ATOH8: variants seen among roughly 807,000 people sequenced by gnomAD.
ATOH8 encodes the protein atonal bHLH transcription factor 8, also known as transcription factor ATOH8.
A neutral mutation model predicts 21.2 loss-of-function variants in ATOH8; 9 were observed. The observed-to-expected ratio is 0.42, with a 90% CI of 0.26 to 0.74. ATOH8 has a LOEUF of 0.74. Ranked by LOEUF, ATOH8 falls within the 30% of genes least tolerant of loss-of-function variation. The pLI, the probability that ATOH8 is intolerant of heterozygous loss-of-function variation, is 0.24. For missense variants in ATOH8, 524 were observed against 470.9 expected, an observed-to-expected ratio of 1.11 and a Z score of -1.04; for synonymous variants, 253 against 224.0, an observed-to-expected ratio of 1.13 and a Z score of -1.16.
intron 2 of ATOH8, among the ~76,000 whole-genome samples, chr2:85,769,107 G>A (rs1430106624): frequency 6.6e-6 from 1 of 152,228 alleles, no homozygotes; most frequent in East Asian, 1.9e-4. Context: ...CCACACCTGG[G>A]CTGGGTGGGC....
intron 1 of ATOH8, among the ~76,000 whole-genome samples, chr2:85,755,325 A>AG (rs1679656352): frequency 6.6e-6 from 1 of 152,056 alleles, no homozygotes; most frequent in African/African-American, 2.4e-5. Flanking sequence ...CAGCGGAGGA[A>AG]GGGGGGAGCC....
In ATOH8 at chr2:85,766,173, G is replaced by A. The variant is rs757645067; in HGVS notation, c.960+1991G>A. Reference sequence around the variant, plus strand: ...AGCGTGTGGTGTCTGCATGGTCACCGTCCTCAGGGTAATGATAATGAGCCC... The same window carrying A: ...AGCGTGTGGTGTCTGCATGGTCACCATCCTCAGGGTAATGATAATGAGCCC... On this transcript the variant is annotated intron_variant, in intron 2 of 2. Coordinates refer to ENST00000306279, the MANE Select transcript of ATOH8 (RefSeq NM_032827.7). The surrounding 1 kb of genome is among the most constrained non-coding windows in gnomAD (Gnocchi z 4.0). 2.2e-4 allele frequency among the ~76,000 whole-genome samples: 33 copies of A among 152,180 alleles called. No homozygotes were observed. Among genetic ancestry groups the A allele is most frequent in the African/African-American group, 7.7e-4 (32 of 41,548 alleles).
At chr2:85,777,727 T>C (rs527650621) in intron 2 of ATOH8, among the ~76,000 whole-genome samples, 1 of 152,216 alleles carries the variant, frequency 6.6e-6, no homozygotes, top group Non-Finnish European at 1.5e-5. Flanking sequence ...TCTCCTAGGA[T>C]GGCGGAGCTG....
At chr2:85,758,117 A>G (rs148241751) in intron 1 of ATOH8, among the ~76,000 whole-genome samples, 15 of 152,278 alleles carry the variant, frequency 9.9e-5, no homozygotes, top group East Asian at 9.6e-4. Flanking sequence ...AGCATCTCCA[A>G]GGTCCTCAGG....
chr2:85,763,122 G>T (rs1313391995), intron 1 of ATOH8, among the ~76,000 whole-genome samples: 1 of 152,150 alleles, frequency 6.6e-6, no homozygotes, highest in Non-Finnish European at 1.5e-5. Flanking sequence ...GAACAGTGGG[G>T]TCTATTAGCA....
At position 85,790,266 on chromosome 2, in the gene ATOH8, C is replaced by T. The variant is rs1023519772; in HGVS notation, c.*3376C>T. 5.9e-5 allele frequency among the ~76,000 whole-genome samples: 9 copies of T among 152,300 alleles called. No homozygotes were observed. Among genetic ancestry groups the T allele is most frequent in the South Asian group, 2.1e-4 (1 of 4,822 alleles). Reference sequence around the variant, plus strand: ...GATGAGGGGGCCCTCTCCAGGGACCCGCAAGATCTTCCTGGGTATGTCTGC... The same window carrying T: ...GATGAGGGGGCCCTCTCCAGGGACCTGCAAGATCTTCCTGGGTATGTCTGC... On this transcript the variant is annotated 3_prime_UTR_variant, in exon 3 of 3. Transcript: ENST00000306279.
At chr2:85,758,863 A>G (rs114853444) in intron 1 of ATOH8, among the ~76,000 whole-genome samples, 3,125 of 151,768 alleles carry the variant, frequency 0.021, 113 homozygotes, top group African/African-American at 0.072. Flanking sequence ...GGAGGGGTCA[A>G]AGGGAAAGGC....
At position 85,787,126 on chromosome 2, in the gene ATOH8, G is replaced by A. The variant is rs1208480302; in HGVS notation, c.*236G>A. On this transcript the variant is annotated 3_prime_UTR_variant, in exon 3 of 3. Transcript: ENST00000306279. Reference sequence around the variant, plus strand: ...CCCTCTGCCTGGTGGGGAGGGGAGAGCTCAGCCCCCGACTCACTCAGACCC... The same window carrying A: ...CCCTCTGCCTGGTGGGGAGGGGAGAACTCAGCCCCCGACTCACTCAGACCC... The A allele has an allele frequency of 1.8e-6, 1 of 567,008 alleles. No individual in the cohort carries two copies. Among genetic ancestry groups the A allele is most frequent in the African/African-American group, 1.9e-5 (1 of 53,142 alleles). The allele number at this position is 567,008 out of a possible 1,614,324, so 35.1% of individuals were successfully genotyped here. A position where few individuals can be genotyped will look rare whatever the true frequency, so the allele number is the denominator to read the frequency against.
intron 2 of ATOH8, among the ~76,000 whole-genome samples, chr2:85,767,222 T>C (rs376341365): frequency 8.5e-5 from 13 of 152,154 alleles, no homozygotes; most frequent in African/African-American, 2.9e-4. Flanking sequence ...CCCAGGACAA[T>C]TGAACCAACA....
In ATOH8 at chr2:85,754,068, GGGGAGAAA is replaced by G. The variant is rs1254311712; in HGVS notation, c.-115_-108del. ...CGGCGGCGCAGCTGCCCGGGGCGAGGGGGAGAAAGGGAGAGAGGGAGGGGGAGGGCGGG... is the reference window on the plus strand; with the variant it reads ...CGGCGGCGCAGCTGCCCGGGGCGAGGGGGAGAGAGGGAGGGGGAGGGCGGG... On this transcript the variant is annotated 5_prime_UTR_variant, in exon 1 of 3. Transcript: ENST00000306279. 8.2e-7 allele frequency: 1 copy of G among 1,223,332 alleles called. No individual in the cohort carries two copies. Among genetic ancestry groups the G allele is most frequent in the African/African-American group, 1.6e-5 (1 of 61,970 alleles). 75.8% of individuals were successfully genotyped at this position (1,223,332 alleles called of 1,614,324 possible).
At chr2:85,765,851 G>A (rs968244438) in intron 2 of ATOH8, among the ~76,000 whole-genome samples, 2 of 152,166 alleles carry the variant, frequency 1.3e-5, no homozygotes, top group Non-Finnish European at 2.9e-5. Flanking sequence ...GGAGAGGCCC[G>A]ACAGAGCCGA....
At chr2:85,755,089 G>A in intron 1 of ATOH8, 132 bp downstream of exon 1, 1 of 1,236,782 alleles carries the variant, frequency 8.1e-7, no homozygotes. Context: ...CTGGTGCCCA[G>A]ACAGGTGTGG....
At chr2:85,779,628 C>T (rs142357651) in intron 2 of ATOH8, among the ~76,000 whole-genome samples, 6 of 152,172 alleles carry the variant, frequency 3.9e-5, no homozygotes, top group African/African-American at 1.2e-4. Context: ...GGGGACCTGC[C>T]GTTCCTGTTT....
chr2:85,786,423 A>G (rs572502501), intron 2 of ATOH8, among the ~76,000 whole-genome samples: 2 of 152,344 alleles, frequency 1.3e-5, no homozygotes, highest in African/African-American at 4.8e-5. Flanking sequence ...TGGCAGGTGA[A>G]TGTGCTACAA....
Position 85,791,189 on chromosome 2 carries a change from A to C in ATOH8, c.*4299A>C, listed in dbSNP as rs1343239546. On this transcript the variant is annotated 3_prime_UTR_variant, in exon 3 of 3. Coordinates refer to ENST00000306279, the MANE Select transcript of ATOH8 (RefSeq NM_032827.7). ...TCCCTGAAGCCAGGCATCCTGAGGA[A>C]CTTGATAGACAAACAATGACAGTGT... Among the ~76,000 whole-genome samples the C allele has an allele frequency of 6.6e-6, 1 of 152,172 alleles. No individual in the cohort carries two copies. Among genetic ancestry groups the C allele is most frequent in the Non-Finnish European group, 1.5e-5 (1 of 68,030 alleles).
chr2:85,775,222 C>T (rs1680290632), intron 2 of ATOH8: 1 of 985,122 alleles, frequency 1.0e-6, no homozygotes, highest in South Asian at 4.7e-5. Flanking sequence ...GACTGTGAGC[C>T]CCTTTCTCTT....
At chr2:85,786,776 T>A in intron 2 of ATOH8, 109 bp from the exon 3 acceptor site, 3 of 1,533,084 alleles carry the variant, frequency 2.0e-6, no homozygotes, top group Non-Finnish European at 2.7e-6. Context: ...CCCTTCAAGG[T>A]GGGGGCCCCT....
At position 85,763,701 on chromosome 2, in the gene ATOH8, T is replaced by A. The variant is rs151172173; in HGVS notation, c.769-290T>A. On this transcript the variant is annotated intron_variant, in intron 1 of 2. Coordinates refer to ENST00000306279, the MANE Select transcript of ATOH8 (RefSeq NM_032827.7). The stretch of plus-strand genomic sequence containing the variant: ...CAAGAGGGTGGAGGACAGAGCTCTG[T>A]AGTGGTCGTGGAAATTCACTGAACT... 1.8e-3 allele frequency among the ~76,000 whole-genome samples: 277 copies of A among 152,254 alleles called. 3 individuals are homozygous for A. Among genetic ancestry groups the A allele is most frequent in the African/African-American group, 6.5e-3 (270 of 41,540 alleles).
chr2:85,783,857 G>T (rs1188435904), intron 2 of ATOH8, among the ~76,000 whole-genome samples: 1 of 145,702 alleles, frequency 6.9e-6, no homozygotes. Flanking sequence ...TGCACCCCCC[G>T]CCCCCCACAC....
Sources: allele counts gnomAD v4.1 joint callset (sites outside exome capture counted in the v4.1 genomes callset), GRCh38; gene constraint gnomAD v4.1.1; non-coding constraint Gnocchi (gnomAD v3.1); transcripts MANE v1.5; gene names NCBI Gene and HGNC (gene_info 2026-07-23, HGNC 2026-07-21).